Variants in ZDHHC21 observed in about 807,000 individuals in gnomAD.
ZDHHC21 encodes palmitoyltransferase ZDHHC21.
Under a neutral mutation model 34.6 loss-of-function variants are expected in ZDHHC21, and 15 were observed. That is an observed-to-expected ratio of 0.43 (90% CI 0.29 to 0.67). The LOEUF (loss-of-function observed/expected upper bound fraction) is 0.67. ZDHHC21 is among the 30% of genes least tolerant of loss of function. ZDHHC21 has a pLI of 0.14. For synonymous variants in ZDHHC21, 142 were observed against 101.8 expected, an observed-to-expected ratio of 1.40 and a Z score of -2.38; for missense variants, 344 against 327.7, an observed-to-expected ratio of 1.05 and a Z score of -0.38.
chr9:14,600,417 A>G, the ZDHHC21 span, among the ~76,000 whole-genome samples: 1 of 152,212 alleles, frequency 6.6e-6, no homozygotes, highest in Non-Finnish European at 1.5e-5. Context: ...TACAAAGAGA[A>G]TAAAATACCT....
At chr9:14,608,216 G>T (rs1345123340), downstream of ZDHHC21, among the ~76,000 whole-genome samples, 1 of 152,094 alleles carries the variant, frequency 6.6e-6, no homozygotes, top group African/African-American at 2.4e-5. Context: ...CTTCAGCTAG[G>T]ATTACGCATC....
intron 5 of ZDHHC21, among the ~76,000 whole-genome samples, chr9:14,664,538 G>C (rs1295328052): frequency 1.3e-5 from 2 of 151,512 alleles, no homozygotes; most frequent in Non-Finnish European, 2.9e-5. Flanking sequence ...GCCTCTGTAG[G>C]CTCCACCTCT....
At chr9:14,607,320 G>C (rs952287263), downstream of ZDHHC21, among the ~76,000 whole-genome samples, 1 of 152,030 alleles carries the variant, frequency 6.6e-6, no homozygotes, top group African/African-American at 2.4e-5. Context: ...TGGGAGGATG[G>C]CTTGAGCCAG....
the ZDHHC21 span, among the ~76,000 whole-genome samples, chr9:14,605,248 A>G: frequency 1.3e-5 from 2 of 150,632 alleles, no homozygotes; most frequent in Middle Eastern, 6.8e-3. Context: ...CCTGAATCAT[A>G]TAGCATTTCT....
the ZDHHC21 span, among the ~76,000 whole-genome samples, chr9:14,603,064 G>C: frequency 1.3e-5 from 2 of 151,944 alleles, no homozygotes; most frequent in Non-Finnish European, 1.5e-5. Context: ...GAGCAGTAAA[G>C]TGGCCTGAGG....
rs1176726212 is a variant in ZDHHC21 at position 14,612,266 on chromosome 9, A to C, written c.*6700T>G. 1.3e-5 allele frequency: 2 copies of C among 152,020 alleles called. No homozygotes were observed. Among genetic ancestry groups the C allele is most frequent in the Admixed American group, 6.6e-5 (1 of 15,214 alleles). 9.4% of individuals were successfully genotyped at this position (152,020 alleles called of 1,614,324 possible). The stretch of plus-strand genomic sequence containing the variant: ...AAACCATATATTGTATCTACATTCA[A>C]GGAGAGGTTGATTTTAGCTAACAAT... On this transcript the variant is annotated 3_prime_UTR_variant, in exon 10 of 10. Coordinates refer to ENST00000380916, the MANE Select transcript of ZDHHC21 (RefSeq NM_178566.6).
At position 14,611,234 on chromosome 9, in the gene ZDHHC21, C is replaced by G. The variant is rs1422653574; in HGVS notation, c.*7732G>C. The G allele has an allele frequency of 6.6e-6, 1 of 151,848 alleles. No homozygotes were observed. Among genetic ancestry groups the G allele is most frequent in the African/African-American group, 2.4e-5 (1 of 41,394 alleles). 9.4% of individuals were successfully genotyped at this position (151,848 alleles called of 1,614,324 possible). On this transcript the variant is annotated 3_prime_UTR_variant, in exon 10 of 10. Coordinates refer to ENST00000380916, the MANE Select transcript of ZDHHC21 (RefSeq NM_178566.6). ...AATCGCTACAATAAATTAAAAACAA[C>G]AACATTGTTCTTAAGGTAGATACAT...
chr9:14,638,573 A>G (rs933326618), intron 8 of ZDHHC21, among the ~76,000 whole-genome samples: 1 of 151,998 alleles, frequency 6.6e-6, no homozygotes. Context: ...TATAGTAAAC[A>G]ATCAACACAT....
At chr9:14,650,860 TCTCTC>T (rs1489352457) in intron 7 of ZDHHC21, among the ~76,000 whole-genome samples, 1 of 152,002 alleles carries the variant, frequency 6.6e-6, no homozygotes, top group East Asian at 1.9e-4. Context: ...ATTGAAATTC[TCTCTC>T]CTCTCTTCCC....
chr9:14,620,954 C>T (rs577689310), intron 8 of ZDHHC21, among the ~76,000 whole-genome samples: 3 of 152,046 alleles, frequency 2.0e-5, no homozygotes, highest in Admixed American at 6.6e-5. Context: ...TTCTCTGCTC[C>T]GTTGCAATTT....
chr9:14,607,277 G>A (rs10961613), downstream of ZDHHC21, among the ~76,000 whole-genome samples: 12,982 of 151,952 alleles, frequency 0.085, 703 homozygotes, highest in South Asian at 0.14. Context: ...GCAAAATCCC[G>A]ACTCTACAAA....
chr9:14,605,366 A>G, the ZDHHC21 span, among the ~76,000 whole-genome samples: 4 of 151,736 alleles, frequency 2.6e-5, no homozygotes, highest in Non-Finnish European at 5.9e-5. Context: ...CACCAACACT[A>G]TTTTTTTCAA....
In ZDHHC21 at chr9:14,676,604, T is replaced by G. The variant is rs1049055768; in HGVS notation, c.-45-2219A>C. Among the ~76,000 whole-genome samples, 7 of 152,110 alleles carry G rather than the reference T, an allele frequency of 4.6e-5. No individual in the cohort carries two copies. The Middle Eastern group carries it at 0.01, about 222-fold the overall frequency. On this transcript the variant is annotated intron_variant, in intron 3 of 9. Transcript: ENST00000380916. ...TTGTGTATGAATTCTAAAACAGAAA[T>G]AGTGCCCAGGCCACTAAACTAATAA... is the stretch of plus-strand genomic sequence containing the variant.
At chr9:14,672,077 G>A (rs1046676456) in intron 5 of ZDHHC21, among the ~76,000 whole-genome samples, 1 of 152,046 alleles carries the variant, frequency 6.6e-6, no homozygotes, top group East Asian at 1.9e-4. Flanking sequence ...CTCATATTTA[G>A]TGGGTCACAT....
chr9:14,668,183 C>T (rs932154700), intron 5 of ZDHHC21, among the ~76,000 whole-genome samples: 1 of 129,270 alleles, frequency 7.7e-6, no homozygotes, highest in Admixed American at 8.2e-5. Context: ...GTACAAAAAT[C>T]ACAAGCATTC....
At chr9:14,590,392 G>T in the ZDHHC21 span, among the ~76,000 whole-genome samples, 1 of 152,042 alleles carries the variant, frequency 6.6e-6, no homozygotes, top group Admixed American at 6.6e-5. Flanking sequence ...CAAATCTGAT[G>T]AAAATAATAG....
At chr9:14,621,478 T>C (rs1259365220) in intron 8 of ZDHHC21, among the ~76,000 whole-genome samples, 1 of 152,110 alleles carries the variant, frequency 6.6e-6, no homozygotes, top group Non-Finnish European at 1.5e-5. Context: ...TGAATCTGTT[T>C]TGGGAAATAA....
chr9:14,622,847 G>C (rs1318246256), intron 8 of ZDHHC21, among the ~76,000 whole-genome samples: 3 of 152,062 alleles, frequency 2.0e-5, no homozygotes, highest in Non-Finnish European at 4.4e-5. Context: ...AGGAAAGTAA[G>C]AAAATTCTTT....
intron 5 of ZDHHC21, among the ~76,000 whole-genome samples, chr9:14,669,573 T>TCC (rs1423402435): frequency 3.3e-5 from 5 of 149,538 alleles, no homozygotes; most frequent in Non-Finnish European, 5.9e-5. Context: ...ATTGCAGCAT[T>TCC]ATTCACAATA....
Sources: allele counts gnomAD v4.1 joint callset (sites outside exome capture counted in the v4.1 genomes callset), GRCh38; gene constraint gnomAD v4.1.1; transcripts MANE v1.5; gene names NCBI Gene and HGNC (gene_info 2026-07-23, HGNC 2026-07-21).